The following DCDC2C variants were observed in gnomAD, a reference collection of about 807,000 sequenced individuals.
DCDC2C encodes the protein doublecortin domain-containing protein 2C.
DCDC2C carries 44 observed loss-of-function variants against 45.0 expected under a neutral mutation model. The observed-to-expected ratio is 0.98, with a 90% confidence interval of 0.77 to 1.26. The LOEUF (loss-of-function observed/expected upper bound fraction) is 1.26. Ranked by LOEUF, DCDC2C falls within the 50% of genes most tolerant of loss-of-function variation. DCDC2C has a pLI of 0.00. For missense variants in DCDC2C, 447 were observed against 468.9 expected, an observed-to-expected ratio of 0.95 and a Z score of 0.43; for synonymous variants, 187 against 178.8, an observed-to-expected ratio of 1.05 and a Z score of -0.37.
chr2:3,713,213 G>A (rs755058565), intron 2 of DCDC2C, among the ~76,000 whole-genome samples: 3 of 152,168 alleles, frequency 2.0e-5, no homozygotes, highest in Non-Finnish European at 2.9e-5. Flanking sequence ...AGACGTCATC[G>A]TAGGAATTTT....
chr2:3,819,702 T>C (rs1172854346), intron 10 of DCDC2C, among the ~76,000 whole-genome samples: 2 of 152,258 alleles, frequency 1.3e-5, no homozygotes, highest in East Asian at 3.9e-4. Flanking sequence ...CTGGGCTGGG[T>C]TTTTATATTT....
chr2:3,735,225 C>CT (rs571746302), intron 3 of DCDC2C, among the ~76,000 whole-genome samples: 60 of 151,258 alleles, frequency 4.0e-4, no homozygotes, highest in East Asian at 1.9e-3. Flanking sequence ...TTGTAACTTT[C>CT]TTTTTTTTAT....
At chr2:3,718,287 T>G (rs1668399159) in intron 2 of DCDC2C, among the ~76,000 whole-genome samples, 2 of 152,286 alleles carry the variant, frequency 1.3e-5, no homozygotes, top group South Asian at 4.1e-4. Flanking sequence ...CTAGATGAGG[T>G]CTTGCTTCTG....
chr2:3,795,140 T>G (rs1022130498), intron 10 of DCDC2C, among the ~76,000 whole-genome samples: 104 of 151,396 alleles, frequency 6.9e-4, no homozygotes, highest in Non-Finnish European at 1.3e-3. Context: ...TTTTCATGTG[T>G]TTTTTGGCTG....
intron 2 of DCDC2C, among the ~76,000 whole-genome samples, chr2:3,725,073 C>A (rs923669790): frequency 2.0e-5 from 3 of 152,082 alleles, no homozygotes; most frequent in Non-Finnish European, 4.4e-5. Flanking sequence ...CAGGTTCAGG[C>A]CCCCGACCTT....
At chr2:3,759,171 A>C (rs551438121) in intron 6 of DCDC2C, among the ~76,000 whole-genome samples, 102 of 152,318 alleles carry the variant, frequency 6.7e-4, no homozygotes, top group African/African-American at 2.4e-3. Context: ...TGCATGCAGA[A>C]GCACTGATGC....
At chr2:3,770,079 C>T (rs984207740) in intron 8 of DCDC2C, among the ~76,000 whole-genome samples, 1 of 152,198 alleles carries the variant, frequency 6.6e-6, no homozygotes, top group African/African-American at 2.4e-5. Flanking sequence ...AGCACTTGGG[C>T]AAATGGCAGA....
chr2:3,757,605 G>A lies in DCDC2C; in HGVS notation c.726+2971G>A, dbSNP rs357966. ...ATTGATTCATCTGGTCGTCCATGAG[G>A]CCGTGGTGAGGTGTTGGCAGCATGC... On this transcript the variant is annotated intron_variant, in intron 6 of 10. Coordinates refer to ENST00000399143, the MANE Select transcript of DCDC2C (RefSeq NM_001287444.2). Among the ~76,000 whole-genome samples the A allele has an allele frequency of 7.3e-3, 1,107 of 152,290 alleles. 7 individuals are homozygous for A. The highest frequency in any genetic ancestry group is 0.017 in the South Asian group (82 of 4,818).
At chr2:3,773,691 T>C (rs1670248566) in intron 8 of DCDC2C, among the ~76,000 whole-genome samples, 1 of 152,248 alleles carries the variant, frequency 6.6e-6, no homozygotes, top group African/African-American at 2.4e-5. Flanking sequence ...TGTGTACAAT[T>C]GGAAACCCTG....
Position 3,752,835 on chromosome 2 carries a change from G to A in DCDC2C, c.618G>A (p.Val206=), listed in dbSNP as rs1452796123. Residue 206 remains valine (V), a synonymous_variant, in exon 5 of 11, where the codon GTG becomes GTA. Coordinates refer to ENST00000399143, the MANE Select transcript of DCDC2C (RefSeq NM_001287444.2). ...AAGACAATCACTTTTATGTTGCTGT[G>A]GGACTGGAGACCTTCAAATATTTTC... ...DLQDNHFYVA[V]GLETFKYFPY... The A allele has an allele frequency of 6.5e-6, 10 of 1,550,382 alleles. No homozygotes were observed. Among genetic ancestry groups the A allele is most frequent in the African/African-American group, 1.4e-5 (1 of 73,030 alleles).
chr2:3,744,155 G>A (rs1361706280), intron 4 of DCDC2C, among the ~76,000 whole-genome samples: 1 of 152,210 alleles, frequency 6.6e-6, no homozygotes, highest in Non-Finnish European at 1.5e-5. Context: ...GAACCAGCCT[G>A]CAGTTGCATG....
intron 2 of DCDC2C, among the ~76,000 whole-genome samples, chr2:3,713,398 G>A (rs530331105): frequency 3.3e-5 from 5 of 152,276 alleles, no homozygotes; most frequent in African/African-American, 1.2e-4. Flanking sequence ...AGGGGCTGGG[G>A]GAGCTTCCAT....
intron 4 of DCDC2C, among the ~76,000 whole-genome samples, chr2:3,746,181 G>C (rs1669355167): frequency 6.6e-6 from 1 of 152,216 alleles, no homozygotes; most frequent in Admixed American, 6.5e-5. Flanking sequence ...CATGTGAGCA[G>C]CTACGGTGAG....
rs553654057 is a variant in DCDC2C at position 3,847,111 on chromosome 2, C to A, written c.1066-43C>A. Reference sequence around the variant, plus strand: ...GAAACAAACTGTGGCCAGATCACAGCTTGAAGATGTTCTCTGTTAACCTGC... The same window carrying A: ...GAAACAAACTGTGGCCAGATCACAGATTGAAGATGTTCTCTGTTAACCTGC... On this transcript the variant is annotated intron_variant, in intron 10 of 10. Coordinates refer to ENST00000399143, the MANE Select transcript of DCDC2C (RefSeq NM_001287444.2). The A allele has an allele frequency of 6.7e-4, 816 of 1,219,696 alleles. 2 individuals carry two copies. The highest frequency in any genetic ancestry group is 7.9e-4 in the Non-Finnish European group (776 of 977,126). The allele number at this position is 1,219,696 out of a possible 1,614,324, so 75.6% of individuals were successfully genotyped here. A position where few individuals can be genotyped will look rare whatever the true frequency, so the allele number is the denominator to read the frequency against.
At chr2:3,841,167 G>A (rs146692346) in intron 10 of DCDC2C, among the ~76,000 whole-genome samples, 1 of 152,112 alleles carries the variant, frequency 6.6e-6, no homozygotes, top group Non-Finnish European at 1.5e-5. Context: ...TAAGAAGTAC[G>A]AGTTTCAGAC....
intron 9 of DCDC2C, among the ~76,000 whole-genome samples, chr2:3,780,326 G>C (rs1436596472): frequency 6.6e-6 from 1 of 152,188 alleles, no homozygotes; most frequent in Non-Finnish European, 1.5e-5. Flanking sequence ...ACTGCCGTGA[G>C]TTTGTGGTGT....
chr2:3,788,799 T>TCCCC (rs1403593097), intron 10 of DCDC2C, among the ~76,000 whole-genome samples: 1 of 61,654 alleles, frequency 1.6e-5, no homozygotes, highest in Non-Finnish European at 3.4e-5. Context: ...CCTCCCTTCC[T>TCCCC]TCCCTCCCTT....
At chr2:3,810,393 G>A (rs183038770) in intron 10 of DCDC2C, among the ~76,000 whole-genome samples, 4 of 152,184 alleles carry the variant, frequency 2.6e-5, no homozygotes, top group African/African-American at 4.8e-5. Context: ...AATGTCTTTC[G>A]AAAAGTGTCT....
At chr2:3,845,874 T>G (rs548831308) in intron 10 of DCDC2C, among the ~76,000 whole-genome samples, 3 of 152,216 alleles carry the variant, frequency 2.0e-5, no homozygotes, top group African/African-American at 7.2e-5. Flanking sequence ...CACAGGGTCT[T>G]GAACAATTTC....
Sources: gnomAD v4.1 joint callset for allele counts (sites outside exome capture counted in the v4.1 genomes callset) on GRCh38, gnomAD v4.1.1 for gene constraint, MANE v1.5 for transcripts, NCBI Gene and HGNC (gene_info 2026-07-23, HGNC 2026-07-21) for gene names.